The following PDZRN4 variants were observed in gnomAD, a reference collection of about 807,000 sequenced individuals.
The protein encoded by PDZRN4 is PDZ domain-containing RING finger protein 4.
PDZRN4 carries 70 observed loss-of-function variants against 99.0 expected under a neutral mutation model. That is an observed-to-expected ratio of 0.71 (90% CI 0.58 to 0.86). The LOEUF (loss-of-function observed/expected upper bound fraction) is 0.86, where lower values mean the gene tolerates loss of function less well. PDZRN4 is among the 40% of genes least tolerant of loss of function. The probability of loss-of-function intolerance (pLI) is 0.00; values close to 1 mark genes in which losing one functional copy is unlikely to be tolerated. For synonymous variants in PDZRN4, 551 were observed against 501.6 expected (o/e 1.10, Z -1.32); for missense variants, 1,474 against 1,331.2 (o/e 1.11, Z -1.67).
chr12:41,248,528 AC>A (rs1951147924), intron 3 of PDZRN4, among the ~76,000 whole-genome samples: 1 of 152,182 alleles, frequency 6.6e-6, no homozygotes, highest in African/African-American at 2.4e-5. Flanking sequence ...CCAAGATTTT[AC>A]CCTCCTACTC....
intron 3 of PDZRN4, among the ~76,000 whole-genome samples, chr12:41,501,839 CCTT>C: frequency 6.6e-6 from 1 of 152,180 alleles, no homozygotes; most frequent in Non-Finnish European, 1.5e-5. Flanking sequence ...GAGGCGAAGA[CCTT>C]CTCAGAAAAT....
At chr12:41,555,253 A>AAAAAAGAAG (rs1330315894) in intron 6 of PDZRN4, among the ~76,000 whole-genome samples, 5 of 150,938 alleles carry the variant, frequency 3.3e-5, no homozygotes, top group African/African-American at 7.3e-5. Flanking sequence ...AAAAAAAGAA[A>AAAAAAGAAG]AAAAAAAGGA....
intron 3 of PDZRN4, among the ~76,000 whole-genome samples, chr12:41,303,830 C>A (rs1347667566): frequency 6.6e-6 from 1 of 152,164 alleles, no homozygotes; most frequent in East Asian, 1.9e-4. Flanking sequence ...CATTAGGGGG[C>A]AGATTCTTTA....
At chr12:41,540,641 T>C (rs532557176) in intron 5 of PDZRN4, among the ~76,000 whole-genome samples, 17 of 152,352 alleles carry the variant, frequency 1.1e-4, no homozygotes, top group African/African-American at 4.1e-4. Context: ...ATTTGATAAA[T>C]TTAAATTAAC....
chr12:41,471,160 C>A (rs1006227923), intron 3 of PDZRN4, among the ~76,000 whole-genome samples: 1 of 152,156 alleles, frequency 6.6e-6, no homozygotes, highest in Non-Finnish European at 1.5e-5. Flanking sequence ...TAGGACAAAG[C>A]GCACCGCTAT....
Position 41,392,465 on chromosome 12 carries a change from T to G in PDZRN4, c.844-113991T>G, listed in dbSNP as rs59508383. Among the ~76,000 whole-genome samples the G allele has an allele frequency of 3.9e-3, 588 of 152,338 alleles. 1 individual carries two copies. Among genetic ancestry groups the G allele is most frequent in the African/African-American group, 0.014 (568 of 41,586 alleles). On this transcript the variant is annotated intron_variant, in intron 3 of 9. Coordinates refer to ENST00000402685, the MANE Select transcript of PDZRN4 (RefSeq NM_001164595.2). ...CTGGCTGTATTTCACTAACTTGATG[T>G]CTTAGCTTGCCAATGGTTCACAACT...
intron 5 of PDZRN4, among the ~76,000 whole-genome samples, chr12:41,519,155 A>G (rs1448748398): frequency 1.3e-5 from 2 of 152,030 alleles, no homozygotes; most frequent in African/African-American, 4.8e-5. Context: ...TTCAAAGTTG[A>G]AGGACATTTT....
chr12:41,241,129 T>G (rs1327157902), intron 3 of PDZRN4, among the ~76,000 whole-genome samples: 1 of 152,192 alleles, frequency 6.6e-6, no homozygotes, highest in African/African-American at 2.4e-5. Context: ...ATTTTGGATT[T>G]TTTTAATATA....
chr12:41,256,203 G>C (rs902233987), intron 3 of PDZRN4, among the ~76,000 whole-genome samples: 31 of 152,134 alleles, frequency 2.0e-4, no homozygotes, highest in African/African-American at 7.2e-4. Context: ...CTAAGTAAAA[G>C]GGTCTGTAAA....
At chr12:41,197,446 T>C (rs1950780890) in intron 3 of PDZRN4, among the ~76,000 whole-genome samples, 1 of 152,208 alleles carries the variant, frequency 6.6e-6, no homozygotes, top group Non-Finnish European at 1.5e-5. Context: ...AAGTTAATTT[T>C]TGGAGTCAGT....
At chr12:41,482,300 G>GA (rs34070736) in intron 3 of PDZRN4, among the ~76,000 whole-genome samples, 3 of 152,156 alleles carry the variant, frequency 2.0e-5, no homozygotes, top group Non-Finnish European at 4.4e-5. Context: ...GATTCCCACA[G>GA]AAATACTTTG....
chr12:41,280,689 C>G (rs963303871), intron 3 of PDZRN4, among the ~76,000 whole-genome samples: 1 of 152,220 alleles, frequency 6.6e-6, no homozygotes, highest in African/African-American at 2.4e-5. Context: ...CAGGGCATCT[C>G]TGAAAGAAAG....
At chr12:41,380,258 G>A (rs1952114069) in intron 3 of PDZRN4, among the ~76,000 whole-genome samples, 1 of 151,790 alleles carries the variant, frequency 6.6e-6, no homozygotes, top group South Asian at 2.1e-4. Flanking sequence ...GTCTTTTGTG[G>A]GCATCATGGT....
At chr12:41,403,902 G>T (rs1952322545) in intron 3 of PDZRN4, among the ~76,000 whole-genome samples, 1 of 152,120 alleles carries the variant, frequency 6.6e-6, no homozygotes, top group African/African-American at 2.4e-5. Context: ...AAGATAATTT[G>T]CAGTAAGCCA....
intron 3 of PDZRN4, among the ~76,000 whole-genome samples, chr12:41,339,272 T>C (rs1951798459): frequency 6.6e-6 from 1 of 151,906 alleles, no homozygotes; most frequent in Non-Finnish European, 1.5e-5. Flanking sequence ...AATAAATGCA[T>C]CCATTTACAG....
chr12:41,467,288 C>G (rs994003127), intron 3 of PDZRN4, among the ~76,000 whole-genome samples: 6 of 152,042 alleles, frequency 3.9e-5, no homozygotes, highest in Admixed American at 3.9e-4. Context: ...TAGTATTGGT[C>G]TGAAAAACTA....
At position 41,573,959 on chromosome 12, in the gene PDZRN4, T is replaced by A; in HGVS notation, c.*69T>A. On this transcript the variant is annotated 3_prime_UTR_variant, in exon 10 of 10. Transcript: ENST00000402685. ...CCAGTTTCGGTAGAGTATGATTGCCTCGTTCAATGTGGCGTTTTTATATAT... is the reference window on the plus strand; with the variant it reads ...CCAGTTTCGGTAGAGTATGATTGCCACGTTCAATGTGGCGTTTTTATATAT... 1.8e-6 allele frequency: 2 copies of A among 1,099,504 alleles called. No individual in the cohort carries two copies. Among genetic ancestry groups the A allele is most frequent in the Non-Finnish European group, 2.6e-6 (2 of 783,046 alleles). The allele number at this position is 1,099,504 out of a possible 1,614,324, so 68.1% of individuals were successfully genotyped here. A position where few individuals can be genotyped will look rare whatever the true frequency, so the allele number is the denominator to read the frequency against.
chr12:41,445,104 T>C (rs1952713281), intron 3 of PDZRN4, among the ~76,000 whole-genome samples: 1 of 152,068 alleles, frequency 6.6e-6, no homozygotes, highest in Non-Finnish European at 1.5e-5. Context: ...CAGCCATTTC[T>C]AATTGCATAT....
At chr12:41,460,002 G>C (rs984345994) in intron 3 of PDZRN4, 1 of 1,288,400 alleles carries the variant, frequency 7.8e-7, no homozygotes, top group East Asian at 5.6e-5. Flanking sequence ...AATTGCCAGT[G>C]TTCCCAACCT....
Sources: allele counts gnomAD v4.1 joint callset (sites outside exome capture counted in the v4.1 genomes callset), GRCh38; gene constraint gnomAD v4.1.1; transcripts MANE v1.5; gene names NCBI Gene and HGNC (gene_info 2026-07-23, HGNC 2026-07-21).